Variants in GNG7 observed in about 807,000 individuals in gnomAD.
GNG7 encodes the protein guanine nucleotide-binding protein G(I)/G(S)/G(O) subunit gamma-7.
In GNG7, 1 loss-of-function variant was observed where a neutral mutation model predicts 4.0. The ratio of observed to expected loss-of-function variants is 0.25; its 90% confidence interval spans 0.09 to 1.18. GNG7 has a LOEUF of 1.18. GNG7 is among the 50% of genes most tolerant of loss of function. The pLI, the probability that GNG7 is intolerant of heterozygous loss-of-function variation, is 0.50. For synonymous variants in GNG7, 34 were observed against 36.9 expected (o/e 0.92, Z 0.29); for missense variants, 86 against 91.9 (o/e 0.94, Z 0.26).
Position 2,511,777 on chromosome 19 carries a change from C to T in GNG7, c.*3245G>A, listed in dbSNP as rs1431618233. 1.0e-6 allele frequency: 1 copy of T among 984,412 alleles called. No individual in the cohort carries two copies. The highest frequency in any genetic ancestry group is 1.2e-6 in the Non-Finnish European group (1 of 828,572). 61.0% of individuals were successfully genotyped at this position (984,412 alleles called of 1,614,324 possible). A position where few individuals can be genotyped will look rare whatever the true frequency, so the allele number is the denominator to read the frequency against. ...AGGAGCACCTTCCGCCCTGGCCCAGCCGCCCCGTTTATGTCCCCAGAGGCC... is the reference window on the plus strand; with the variant it reads ...AGGAGCACCTTCCGCCCTGGCCCAGTCGCCCCGTTTATGTCCCCAGAGGCC... On this transcript the variant is annotated 3_prime_UTR_variant, in exon 5 of 5. Transcript: ENST00000382159. The surrounding 1 kb of genome is among the most constrained non-coding windows in gnomAD (Gnocchi z 6.3).
At chr19:2,624,659 G>T (rs932450601) in intron 2 of GNG7, among the ~76,000 whole-genome samples, 1 of 152,112 alleles carries the variant, frequency 6.6e-6, no homozygotes, top group Non-Finnish European at 1.5e-5. Flanking sequence ...TCTCGTCTCC[G>T]GAGCAGTGAC....
At chr19:2,522,602 G>A (rs35155040) in intron 3 of GNG7, among the ~76,000 whole-genome samples, 47,568 of 150,628 alleles carry the variant, frequency 0.32, 7,497 homozygotes, top group South Asian at 0.38. Context: ...GTGAAACCCC[G>A]TCTCCCGGGC....
intron 1 of GNG7, among the ~76,000 whole-genome samples, chr19:2,699,746 C>T (rs554759978): frequency 2.5e-4 from 38 of 152,274 alleles, no homozygotes; most frequent in African/African-American, 8.7e-4. Flanking sequence ...GGATGCTGCT[C>T]GGCACCCTGC....
At chr19:2,521,612 GTTTTTTTT>G (rs71178284) in intron 3 of GNG7, among the ~76,000 whole-genome samples, 2 of 104,690 alleles carry the variant, frequency 1.9e-5, no homozygotes, top group East Asian at 3.3e-4. Context: ...CCCCCTCCGT[GTTTTTTTT>G]TTTTTTTTTT....
In GNG7 at chr19:2,648,615, T is replaced by C. The variant is rs143965071; in HGVS notation, c.-134-2335A>G. Among the ~76,000 whole-genome samples the C allele has an allele frequency of 5.9e-3, 904 of 152,332 alleles. 11 individuals carry two copies. The highest frequency in any genetic ancestry group is 0.021 in the African/African-American group (860 of 41,572). ...TCAATAAAAGGTAGGGATAGGGAGC[T>C]GAAATCCTCACTGTCACCTGCAGGT... On this transcript the variant is annotated intron_variant, in intron 1 of 4. Transcript: ENST00000382159.
At chr19:2,610,349 T>TTA in intron 2 of GNG7, 1 of 38,134 alleles carries the variant, frequency 2.6e-5, no homozygotes, top group Non-Finnish European at 6.7e-5. Flanking sequence ...TTTTTATTTA[T>TTA]TTATTATTAC....
At chr19:2,642,856 T>C (rs1447440947) in intron 2 of GNG7, 2 of 456,662 alleles carry the variant, frequency 4.4e-6, no homozygotes, top group Non-Finnish European at 8.8e-6. Context: ...GCACCGGGAA[T>C]GCATAGTCTG....
chr19:2,634,346 C>T lies in GNG7; in HGVS notation c.-78+11878G>A, dbSNP rs1196799892. 6.6e-6 allele frequency among the ~76,000 whole-genome samples: 1 copy of T among 152,020 alleles called. No homozygotes were observed. Among genetic ancestry groups the T allele is most frequent in the African/African-American group, 2.4e-5 (1 of 41,382 alleles). Reference sequence around the variant, plus strand: ...CCATGCCAGGAGCTCCCCCAAGTCGCGAAAACCACAGATGTCCCAGAAATT... The same window carrying T: ...CCATGCCAGGAGCTCCCCCAAGTCGTGAAAACCACAGATGTCCCAGAAATT... On this transcript the variant is annotated intron_variant, in intron 2 of 4. Coordinates refer to ENST00000382159, the MANE Select transcript of GNG7 (RefSeq NM_052847.3). This position sits in a 1 kb window ranked among gnomAD's most constrained non-coding sequence, Gnocchi z 5.3.
intron 2 of GNG7, among the ~76,000 whole-genome samples, chr19:2,564,059 G>T (rs1437984969): frequency 6.6e-6 from 1 of 152,126 alleles, no homozygotes; most frequent in Admixed American, 6.6e-5. Context: ...GTAAGGGCAG[G>T]CTCCTAAACA....
chr19:2,533,211 T>C (rs1206037775), intron 3 of GNG7, among the ~76,000 whole-genome samples: 2 of 148,800 alleles, frequency 1.3e-5, no homozygotes, highest in African/African-American at 2.4e-5. Flanking sequence ...ATATTAAATA[T>C]TAGTATTTAA....
At position 2,522,342 on chromosome 19, in the gene GNG7, C is replaced by T. The variant is rs867943034; in HGVS notation, c.-37-1617G>A. On this transcript the variant is annotated intron_variant, in intron 3 of 4. Transcript: ENST00000382159. ...CTGGGCAGCCGCAGTCCCAGCCGGG[C>T]GTCTGTGAGCAGTTAATTAAGCCGC... 1.6e-3 allele frequency among the ~76,000 whole-genome samples: 240 copies of T among 152,226 alleles called. 1 individual carries two copies. The highest frequency in any genetic ancestry group is 5.1e-3 in the African/African-American group (213 of 41,556).
chr19:2,622,085 T>TC (rs56831135), intron 2 of GNG7, among the ~76,000 whole-genome samples: 14,871 of 151,164 alleles, frequency 0.098, 1,164 homozygotes, highest in African/African-American at 0.22. Flanking sequence ...TTTTTTTTTT[T>TC]TCTCTCTCTT....
chr19:2,620,190 G>A (rs1454655210), intron 2 of GNG7, among the ~76,000 whole-genome samples: 1 of 127,596 alleles, frequency 7.8e-6, no homozygotes, highest in Non-Finnish European at 1.6e-5. Flanking sequence ...GGCAACAAGA[G>A]CAAAACTCTG....
intron 2 of GNG7, among the ~76,000 whole-genome samples, chr19:2,577,759 G>A (rs1311642549): frequency 1.3e-5 from 2 of 148,844 alleles, no homozygotes; most frequent in Non-Finnish European, 3.0e-5. Context: ...ATGCATGTAA[G>A]CATTTGCTAC....
chr19:2,562,263 TC>T (rs1568244445), intron 2 of GNG7, among the ~76,000 whole-genome samples: 1 of 145,478 alleles, frequency 6.9e-6, no homozygotes, highest in Non-Finnish European at 1.5e-5. Context: ...TACAGCGGGT[TC>T]CTTTTTCTTT....
At chr19:2,644,353 A>C (rs1195462341) in intron 2 of GNG7, among the ~76,000 whole-genome samples, 1 of 18,568 alleles carries the variant, frequency 5.4e-5, no homozygotes, top group Non-Finnish European at 1.0e-4. Flanking sequence ...ATATATATAT[A>C]TATATATATA....
chr19:2,637,661 C>T (rs1295550512), intron 2 of GNG7, among the ~76,000 whole-genome samples: 4 of 152,240 alleles, frequency 2.6e-5, no homozygotes, highest in Admixed American at 2.0e-4. Flanking sequence ...ATTCCGTCCC[C>T]TCTACTGGGG....
At chr19:2,643,572 G>C (rs1322102346) in intron 2 of GNG7, 1 of 434,444 alleles carries the variant, frequency 2.3e-6, no homozygotes, top group African/African-American at 2.2e-5. Flanking sequence ...GACCTCTCCG[G>C]ACTCTGCACA....
intron 4 of GNG7, among the ~76,000 whole-genome samples, chr19:2,520,005 C>T (rs920763474): frequency 2.0e-5 from 3 of 152,034 alleles, no homozygotes; most frequent in Admixed American, 6.6e-5. Flanking sequence ...CATGGCGAAA[C>T]GCCGTCTCTA....
Sources: gnomAD v4.1 joint callset for allele counts (sites outside exome capture counted in the v4.1 genomes callset) on GRCh38, gnomAD v4.1.1 for gene constraint, Gnocchi (gnomAD v3.1) non-coding constraint, MANE v1.5 for transcripts, NCBI Gene and HGNC (gene_info 2026-07-23, HGNC 2026-07-21) for gene names.